The following KCNQ5 variants were observed in gnomAD, a reference collection of about 807,000 sequenced individuals.
The protein encoded by KCNQ5 is potassium voltage-gated channel subfamily KQT member 5.
Under a neutral mutation model 98.2 loss-of-function variants are expected in KCNQ5, and 30 were observed. The observed-to-expected ratio is 0.31, with a 90% CI of 0.23 to 0.41. The LOEUF (loss-of-function observed/expected upper bound fraction) is 0.41. Ranked by LOEUF, KCNQ5 falls within the 10% of genes least tolerant of loss-of-function variation. The pLI, the probability that KCNQ5 is intolerant of heterozygous loss-of-function variation, is 1.00. For missense variants in KCNQ5, 835 were observed against 1,182.5 expected (o/e 0.71, Z 4.31); for synonymous variants, 458 against 449.4 (o/e 1.02, Z -0.24).
At chr6:72,843,613 G>T (rs1325079626) in intron 1 of KCNQ5, among the ~76,000 whole-genome samples, 1 of 152,174 alleles carries the variant, frequency 6.6e-6, no homozygotes, top group African/African-American at 2.4e-5. Context: ...TCCTATCCAT[G>T]AGCATGGTAG....
intron 1 of KCNQ5, among the ~76,000 whole-genome samples, chr6:72,955,690 T>C (rs17744626): frequency 0.012 from 1,768 of 152,322 alleles, 20 homozygotes; most frequent in Non-Finnish European, 0.017. Flanking sequence ...TGAATTATTT[T>C]GCATTTTGTA....
At chr6:72,795,596 T>C (rs1344809065) in intron 1 of KCNQ5, among the ~76,000 whole-genome samples, 1 of 152,178 alleles carries the variant, frequency 6.6e-6, no homozygotes, top group Non-Finnish European at 1.5e-5. Context: ...GTCTTGCTAA[T>C]TGCAAAAACT....
At chr6:72,861,999 C>G (rs1170843232) in intron 1 of KCNQ5, among the ~76,000 whole-genome samples, 1 of 152,132 alleles carries the variant, frequency 6.6e-6, no homozygotes, top group Admixed American at 6.6e-5. Context: ...CATGACTTCC[C>G]GGCCCTACTA....
chr6:73,176,364 C>G (rs1444685198), intron 11 of KCNQ5, among the ~76,000 whole-genome samples: 3 of 152,320 alleles, frequency 2.0e-5, no homozygotes, highest in African/African-American at 7.2e-5. Context: ...AAGAAGCCTG[C>G]TTCCCTTTTG....
intron 1 of KCNQ5, among the ~76,000 whole-genome samples, chr6:72,905,560 G>A (rs530057354): frequency 1.1e-4 from 17 of 152,190 alleles, no homozygotes; most frequent in Admixed American, 6.5e-4. Context: ...ATTTTGTCCC[G>A]TGGGGTGTTC....
At chr6:73,132,867 G>A (rs1011458610) in intron 9 of KCNQ5, among the ~76,000 whole-genome samples, 1 of 152,184 alleles carries the variant, frequency 6.6e-6, no homozygotes, top group Non-Finnish European at 1.5e-5. Flanking sequence ...AATGTTAAGT[G>A]TTGTGTGTTT....
intron 1 of KCNQ5, among the ~76,000 whole-genome samples, chr6:72,801,916 G>T (rs1022751591): frequency 2.0e-5 from 3 of 152,022 alleles, no homozygotes; most frequent in East Asian, 1.9e-4. Context: ...GAAATTCTGG[G>T]TTGGAAATTC....
intron 5 of KCNQ5, among the ~76,000 whole-genome samples, chr6:73,100,937 G>T (rs566080332): frequency 6.6e-6 from 1 of 152,036 alleles, no homozygotes; most frequent in Non-Finnish European, 1.5e-5. Context: ...ATTGAACCAT[G>T]AAGAAATCCA....
chr6:73,146,626 C>CAAAAAAAAA lies in KCNQ5; in HGVS notation c.1468+13004_1468+13012dup, dbSNP rs58798764. Among the ~76,000 whole-genome samples, 20 of 28,484 alleles carry CAAAAAAAAA rather than the reference C, an allele frequency of 7.0e-4. 4 individuals are homozygous for CAAAAAAAAA. Among genetic ancestry groups the CAAAAAAAAA allele is most frequent in the African/African-American group, 1.9e-3 (20 of 10,662 alleles). The allele number at this position is 28,484 out of a possible 152,430, so 18.7% of individuals were successfully genotyped here. A position where few individuals can be genotyped will look rare whatever the true frequency, so the allele number is the denominator to read the frequency against. On this transcript the variant is annotated intron_variant, in intron 10 of 13. Transcript: ENST00000370398. ...TGGGCAACAGAACAAGTCCCTGTCTCAAAAAAAAAAAAAAAAAAAAAAAAA... is the reference window on the plus strand; with the variant it reads ...TGGGCAACAGAACAAGTCCCTGTCTCAAAAAAAAAAAAAAAAAAAAAAAAAAAAAAAAAA...
At chr6:72,750,452 G>A (rs946464123) in intron 1 of KCNQ5, among the ~76,000 whole-genome samples, 1 of 151,926 alleles carries the variant, frequency 6.6e-6, no homozygotes, top group Non-Finnish European at 1.5e-5. Flanking sequence ...AATTATCAAG[G>A]TACTTTTGGA....
intron 1 of KCNQ5, among the ~76,000 whole-genome samples, chr6:72,716,693 G>A (rs1033389305): frequency 1.6e-4 from 25 of 152,194 alleles, no homozygotes; most frequent in Non-Finnish European, 2.5e-4. Context: ...GATGTTGGAT[G>A]TCAGACATGA....
At chr6:72,865,524 A>G (rs1777945506) in intron 1 of KCNQ5, among the ~76,000 whole-genome samples, 1 of 152,130 alleles carries the variant, frequency 6.6e-6, no homozygotes, top group Non-Finnish European at 1.5e-5. Context: ...TATCTCTTTG[A>G]CAGGCTAATC....
intron 1 of KCNQ5, among the ~76,000 whole-genome samples, chr6:72,907,221 T>C (rs9351954): frequency 0.29 from 44,136 of 152,040 alleles, 6,620 homozygotes; most frequent in Non-Finnish European, 0.32. Flanking sequence ...CTAGGCTTAG[T>C]ACTTGGGTGA....
intron 9 of KCNQ5, among the ~76,000 whole-genome samples, chr6:73,131,073 G>C (rs1562196915): frequency 6.6e-6 from 1 of 152,036 alleles, no homozygotes; most frequent in Non-Finnish European, 1.5e-5. Flanking sequence ...CTAAGATTTA[G>C]AGAATATTAT....
In KCNQ5 at chr6:73,143,450, C is replaced by T. The variant is rs45513596; in HGVS notation, c.1468+9809C>T. 5.3e-3 allele frequency: 809 copies of T among 152,262 alleles called. 5 individuals carry two copies. Among genetic ancestry groups the T allele is most frequent in the Non-Finnish European group, 8.3e-3 (565 of 68,048 alleles). 9.4% of individuals were successfully genotyped at this position (152,262 alleles called of 1,614,324 possible). On this transcript the variant is annotated intron_variant, in intron 10 of 13. Coordinates refer to ENST00000370398, the MANE Select transcript of KCNQ5 (RefSeq NM_019842.4). The stretch of plus-strand genomic sequence containing the variant: ...CCCTAGTTTCACGTCTCTTTGATAC[C>T]GAGAAAAGTGCTACCCGCTGCTTCT...
intron 1 of KCNQ5, among the ~76,000 whole-genome samples, chr6:72,973,187 C>A (rs1025894945): frequency 2.6e-5 from 4 of 152,174 alleles, no homozygotes; most frequent in Non-Finnish European, 5.9e-5. Context: ...TCATAGGTTA[C>A]AGGTTATCAT....
At chr6:73,067,034 A>C (rs1161744072) in intron 3 of KCNQ5, among the ~76,000 whole-genome samples, 1 of 152,178 alleles carries the variant, frequency 6.6e-6, no homozygotes, top group African/African-American at 2.4e-5. Flanking sequence ...TATAAAAAAC[A>C]TGTTAATTAT....
Position 73,169,691 on chromosome 6 carries a change from A to C in KCNQ5, c.1469-55A>C. 3 of 1,281,332 alleles carry C rather than the reference A, an allele frequency of 2.3e-6. No individual in the cohort carries two copies. In the South Asian group the frequency reaches 3.6e-5, roughly 15 times the overall value. 79.4% of individuals were successfully genotyped at this position (1,281,332 alleles called of 1,614,324 possible). Reference sequence around the variant, plus strand: ...ATTTCCACGTGAGAAAAATTCAGCAACATGTTTCAAATTGCGGATGGTGGT... The same window carrying C: ...ATTTCCACGTGAGAAAAATTCAGCACCATGTTTCAAATTGCGGATGGTGGT... On this transcript the variant is annotated intron_variant, in intron 10 of 13. Transcript: ENST00000370398.
chr6:73,008,782 T>C (rs894375625), intron 2 of KCNQ5, among the ~76,000 whole-genome samples: 1 of 152,110 alleles, frequency 6.6e-6, no homozygotes, highest in African/African-American at 2.4e-5. Context: ...TACAGAACAC[T>C]GTACCCAATA....
Sources: allele counts gnomAD v4.1 joint callset (sites outside exome capture counted in the v4.1 genomes callset), GRCh38; gene constraint gnomAD v4.1.1; transcripts MANE v1.5; gene names NCBI Gene and HGNC (gene_info 2026-07-23, HGNC 2026-07-21).